Variants in ACADS observed in about 807,000 individuals in gnomAD.
ACADS encodes short-chain specific acyl-CoA dehydrogenase, mitochondrial.
Under a neutral mutation model 46.8 loss-of-function variants are expected in ACADS, and 28 were observed. The observed-to-expected ratio is 0.60, with a 90% CI of 0.44 to 0.82. The LOEUF (loss-of-function observed/expected upper bound fraction) is 0.82. Among genes scored for constraint, ACADS ranks in the 40% least tolerant of loss-of-function variants. ACADS has a pLI of 0.00. For synonymous variants in ACADS, 236 were observed against 237.7 expected (o/e 0.99, Z 0.07); for missense variants, 528 against 578.0 (o/e 0.91, Z 0.89).
intron 5 of ACADS, 79 bp downstream of exon 5, chr12:120,738,067 C>T (rs768262045): frequency 1.1e-4 from 171 of 1,602,864 alleles, no homozygotes; most frequent in Non-Finnish European, 1.2e-4. Context: ...CTCCTTGGCC[C>T]GACTGGACCT....
intron 2 of ACADS, among the ~76,000 whole-genome samples, chr12:120,731,074 C>T (rs757724040): frequency 6.6e-6 from 1 of 152,012 alleles, no homozygotes; most frequent in Non-Finnish European, 1.5e-5. Context: ...TGCCTCACCT[C>T]CTGCAGTAGC....
At chr12:120,730,730 T>C (rs997821490) in intron 2 of ACADS, among the ~76,000 whole-genome samples, 3 of 152,202 alleles carry the variant, frequency 2.0e-5, no homozygotes, top group Admixed American at 2.0e-4. Flanking sequence ...TATGGAGCGA[T>C]TGGCTCATGT....
intron 4 of ACADS, 64 bp from the exon 5 acceptor site, chr12:120,737,773 G>A (rs1883503628): frequency 6.2e-7 from 1 of 1,607,214 alleles, no homozygotes; most frequent in African/African-American, 1.3e-5. Context: ...TGGAGGGAGT[G>A]AGGCTGGTGC....
chr12:120,732,327 C>CCCGGACGGGGTGGCTG (rs1206682851), intron 2 of ACADS, among the ~76,000 whole-genome samples: 52 of 151,770 alleles, frequency 3.4e-4, no homozygotes, highest in African/African-American at 8.9e-4. Flanking sequence ...CAACCTCCCT[C>CCCGGACGGGGTGGCTG]CCGGACGGGG....
chr12:120,734,652 CT>C (rs1883368434), intron 2 of ACADS, among the ~76,000 whole-genome samples: 1 of 151,876 alleles, frequency 6.6e-6, no homozygotes. Context: ...GCTCGTGCCT[CT>C]AATCAGCATG....
intron 1 of ACADS, among the ~76,000 whole-genome samples, chr12:120,726,514 A>T (rs530147251): frequency 6.6e-6 from 1 of 152,252 alleles, no homozygotes; most frequent in African/African-American, 2.4e-5. Flanking sequence ...CCTGGCCTGA[A>T]TTACAAGGGG....
In ACADS at chr12:120,738,075, C is replaced by A. The variant is rs775654980; in HGVS notation, c.624+87C>A. On this transcript the variant is annotated intron_variant, in intron 5 of 9. Coordinates refer to ENST00000242592, the MANE Select transcript of ACADS (RefSeq NM_000017.4). ...GCCTTCTCTCCTTGGCCCGACTGGA[C>A]CTATTTTTGCTCTGGGGCAAGTGGG... 8.0e-5 allele frequency: 128 copies of A among 1,597,522 alleles called. 1 individual carries two copies. In the Middle Eastern group the frequency reaches 9.9e-4, roughly 12 times the overall value.
intron 2 of ACADS, among the ~76,000 whole-genome samples, chr12:120,736,775 G>A (rs1319967987): frequency 6.6e-6 from 1 of 152,208 alleles, no homozygotes; most frequent in Non-Finnish European, 1.5e-5. Context: ...GGAGGCGGGG[G>A]CAGGACAGCT....
chr12:120,735,271 CAAA>C (rs71076650), intron 2 of ACADS, among the ~76,000 whole-genome samples: 2 of 55,648 alleles, frequency 3.6e-5, no homozygotes, highest in Admixed American at 2.1e-4. Context: ...GACTCTGTTT[CAAA>C]AAAAAAAAAA....
chr12:120,739,134 G>A lies in ACADS; in HGVS notation c.1030-6G>A, dbSNP rs1249811685. 1.3e-5 allele frequency: 21 copies of A among 1,613,064 alleles called. No individual in the cohort carries two copies. Among genetic ancestry groups the A allele is most frequent in the Non-Finnish European group, 1.8e-5 (21 of 1,180,004 alleles). On this transcript the variant is annotated splice_region_variant and splice_polypyrimidine_tract_variant and intron_variant, in intron 8 of 9. Transcript: ENST00000242592. Reference sequence around the variant, plus strand: ...GGGAAGGCTCTGACTGTACCCCCATGTTTAGGAGGCAGCCATGGCCAAGCT... The same window carrying A: ...GGGAAGGCTCTGACTGTACCCCCATATTTAGGAGGCAGCCATGGCCAAGCT...
chr12:120,737,636 G>A (rs757106024), intron 4 of ACADS, 169 bp downstream of exon 4: 336 of 1,047,474 alleles, frequency 3.2e-4, no homozygotes, highest in Middle Eastern at 5.6e-4. Flanking sequence ...GATTGCCTTC[G>A]GGGTCCCCTG....
chr12:120,729,143 G>A (rs768978504), intron 2 of ACADS, among the ~76,000 whole-genome samples: 1 of 152,154 alleles, frequency 6.6e-6, no homozygotes, highest in Admixed American at 6.5e-5. Context: ...AAATATTGGG[G>A]CTGGGACGGG....
At chr12:120,736,757 GC>G (rs1348757856) in intron 2 of ACADS, among the ~76,000 whole-genome samples, 2 of 152,204 alleles carry the variant, frequency 1.3e-5, no homozygotes, top group African/African-American at 2.4e-5. Flanking sequence ...GGAGCGGGGA[GC>G]AGGCGTGGAG....
At chr12:120,727,432 C>T (rs1181029304) in intron 2 of ACADS, among the ~76,000 whole-genome samples, 1 of 152,236 alleles carries the variant, frequency 6.6e-6, no homozygotes, top group East Asian at 1.9e-4. Flanking sequence ...CCACTGTGCT[C>T]ATTCTAAATA....
At chr12:120,738,743 C>T (rs1883546659) in intron 7 of ACADS, 73 bp downstream of exon 7, 5 of 1,610,128 alleles carry the variant, frequency 3.1e-6, no homozygotes, top group South Asian at 1.1e-5. Context: ...CCTGACTGCT[C>T]TCCGTCCTCC....
At chr12:120,726,906 C>A in intron 1 of ACADS, 120 bp from the exon 2 acceptor site, 1 of 1,131,522 alleles carries the variant, frequency 8.8e-7, no homozygotes, top group Non-Finnish European at 1.3e-6. Context: ...CTAGAACTGG[C>A]TCCAGACATT....
chr12:120,735,522 A>C (rs1393407756), intron 2 of ACADS, among the ~76,000 whole-genome samples: 3 of 151,946 alleles, frequency 2.0e-5, no homozygotes, highest in Non-Finnish European at 2.9e-5. Context: ...GGGGAAGGTA[A>C]AACTTTTATA....
chr12:120,737,771 G>A, intron 4 of ACADS, 66 bp from the exon 5 acceptor site: 1 of 1,606,668 alleles, frequency 6.2e-7, no homozygotes, highest in Non-Finnish European at 8.5e-7. Context: ...TGTGGAGGGA[G>A]TGAGGCTGGT....
At chr12:120,738,794 TGTG>T in intron 7 of ACADS, 23 bp from the exon 8 acceptor site, 1 of 1,613,570 alleles carries the variant, frequency 6.2e-7, no homozygotes, top group Non-Finnish European at 8.5e-7. Flanking sequence ...GCTGCTGACC[TGTG>T]GTGTGGGGTG....
Sources: allele counts gnomAD v4.1 joint callset (sites outside exome capture counted in the v4.1 genomes callset), GRCh38; gene constraint gnomAD v4.1.1; transcripts MANE v1.5; gene names NCBI Gene and HGNC (gene_info 2026-07-23, HGNC 2026-07-21).